The following SLC9A9 variants were observed in gnomAD, a reference collection of about 807,000 sequenced individuals.
SLC9A9 encodes the protein sodium/hydrogen exchanger 9.
In SLC9A9, 62 loss-of-function variants were observed where a neutral mutation model predicts 77.8. The observed-to-expected ratio is 0.80, with a 90% CI of 0.65 to 0.98. The LOEUF (loss-of-function observed/expected upper bound fraction) is 0.98. Among genes scored for constraint, SLC9A9 ranks in the 50% least tolerant of loss-of-function variants. The probability of loss-of-function intolerance (pLI) is 0.00; values close to 1 mark genes in which losing one functional copy is unlikely to be tolerated. For synonymous variants in SLC9A9, 320 were observed against 283.5 expected (o/e 1.13, Z -1.29); for missense variants, 775 against 774.9 (o/e 1.00, Z 0.00).
intron 12 of SLC9A9, among the ~76,000 whole-genome samples, chr3:143,460,409 T>C (rs2035169978): frequency 6.7e-6 from 1 of 150,230 alleles, no homozygotes; most frequent in South Asian, 2.1e-4. Context: ...AAGTTCCATC[T>C]ACTGCATTCA....
intron 13 of SLC9A9, among the ~76,000 whole-genome samples, chr3:143,374,967 C>T (rs1032271156): frequency 6.6e-6 from 1 of 152,168 alleles, no homozygotes; most frequent in Non-Finnish European, 1.5e-5. Context: ...AACCATCCTT[C>T]TACTCTCTAG....
At chr3:143,390,851 T>C (rs761698755) in intron 12 of SLC9A9, among the ~76,000 whole-genome samples, 1 of 152,196 alleles carries the variant, frequency 6.6e-6, no homozygotes, top group Non-Finnish European at 1.5e-5. Context: ...CCTCACTCAT[T>C]GCTAGCACAG....
chr3:143,310,586 G>A (rs2030981678), intron 14 of SLC9A9, among the ~76,000 whole-genome samples: 1 of 151,376 alleles, frequency 6.6e-6, no homozygotes, highest in Non-Finnish European at 1.5e-5. Context: ...TTTAGAAATG[G>A]AGACTTTCTG....
At chr3:143,604,717 A>G (rs773739689) in intron 6 of SLC9A9, among the ~76,000 whole-genome samples, 9 of 152,248 alleles carry the variant, frequency 5.9e-5, no homozygotes, top group Non-Finnish European at 1.2e-4. Context: ...AGTAAAAGCT[A>G]CTTTTTCCAC....
chr3:143,386,631 T>C (rs1331438835), intron 12 of SLC9A9, among the ~76,000 whole-genome samples: 1 of 152,216 alleles, frequency 6.6e-6, no homozygotes, highest in Non-Finnish European at 1.5e-5. Flanking sequence ...TCAGTACTTA[T>C]CAGTGGGGCC....
At chr3:143,511,891 C>G (rs2036121461) in intron 9 of SLC9A9, among the ~76,000 whole-genome samples, 1 of 152,128 alleles carries the variant, frequency 6.6e-6, no homozygotes, top group African/African-American at 2.4e-5. Context: ...TCATTCTACC[C>G]AAAGACATAT....
chr3:143,721,741 T>C (rs1030404064), intron 4 of SLC9A9, among the ~76,000 whole-genome samples: 2 of 152,098 alleles, frequency 1.3e-5, no homozygotes, highest in African/African-American at 2.4e-5. Context: ...AATGCCTTGG[T>C]TACAAGGCTC....
chr3:143,744,287 A>G (rs1935151926), intron 4 of SLC9A9, among the ~76,000 whole-genome samples: 1 of 152,092 alleles, frequency 6.6e-6, no homozygotes, highest in East Asian at 1.9e-4. Flanking sequence ...AACCGCTGAT[A>G]CCCCTGTGCT....
intron 12 of SLC9A9, among the ~76,000 whole-genome samples, chr3:143,459,156 C>T (rs1053886152): frequency 6.7e-6 from 1 of 150,366 alleles, no homozygotes; most frequent in African/African-American, 2.4e-5. Context: ...ATTGTGTATG[C>T]TCTTACTTCT....
chr3:143,625,579 T>C (rs533794333), intron 6 of SLC9A9, among the ~76,000 whole-genome samples: 22 of 152,324 alleles, frequency 1.4e-4, no homozygotes, highest in Admixed American at 1.2e-3. Context: ...AAGCTGAAAC[T>C]GGATCCCTTC....
chr3:143,834,199 C>A (rs1175506751), intron 1 of SLC9A9, among the ~76,000 whole-genome samples: 1 of 152,166 alleles, frequency 6.6e-6, no homozygotes, highest in Non-Finnish European at 1.5e-5. Context: ...GTATCCAAAT[C>A]TCTGGGAGCA....
intron 4 of SLC9A9, among the ~76,000 whole-genome samples, chr3:143,767,109 T>C (rs1364383532): frequency 6.6e-6 from 1 of 152,158 alleles, no homozygotes; most frequent in African/African-American, 2.4e-5. Flanking sequence ...ATAACACGTT[T>C]CACTCAGGAG....
chr3:143,706,253 G>C (rs1008790682), intron 4 of SLC9A9, among the ~76,000 whole-genome samples: 7 of 152,178 alleles, frequency 4.6e-5, no homozygotes, highest in Non-Finnish European at 7.3e-5. Flanking sequence ...ATCGCCATCT[G>C]CTACCCATTA....
At chr3:143,390,840 G>A (rs1177089299) in intron 12 of SLC9A9, among the ~76,000 whole-genome samples, 1 of 152,206 alleles carries the variant, frequency 6.6e-6, no homozygotes, top group Non-Finnish European at 1.5e-5. Flanking sequence ...CACCCACAGA[G>A]CCTCACTCAT....
At chr3:143,397,821 A>G (rs1222120019) in intron 12 of SLC9A9, among the ~76,000 whole-genome samples, 1 of 152,186 alleles carries the variant, frequency 6.6e-6, no homozygotes, top group Non-Finnish European at 1.5e-5. Context: ...CAAGGAGCAT[A>G]TTCTCCCCAT....
chr3:143,522,194 T>A (rs1429450737), intron 9 of SLC9A9, among the ~76,000 whole-genome samples: 1 of 152,184 alleles, frequency 6.6e-6, no homozygotes, highest in Admixed American at 6.5e-5. Context: ...TCTTTCTCCA[T>A]CTAAAACACA....
intron 9 of SLC9A9, among the ~76,000 whole-genome samples, chr3:143,519,467 G>A (rs2036259887): frequency 6.6e-6 from 1 of 152,122 alleles, no homozygotes; most frequent in Non-Finnish European, 1.5e-5. Flanking sequence ...GATAAGTGTG[G>A]GAATCAGGAA....
At chr3:143,695,331 C>T (rs1933600090) in intron 4 of SLC9A9, among the ~76,000 whole-genome samples, 1 of 152,072 alleles carries the variant, frequency 6.6e-6, no homozygotes, top group Admixed American at 6.6e-5. Flanking sequence ...GCTGTCCCTT[C>T]CCTAGTCCCC....
intron 12 of SLC9A9, among the ~76,000 whole-genome samples, chr3:143,437,197 CACAG>C (rs1238761266): frequency 6.6e-6 from 1 of 152,238 alleles, no homozygotes; most frequent in Non-Finnish European, 1.5e-5. Flanking sequence ...ATGAATGAAT[CACAG>C]ACTGCACTGG....
Sources: gnomAD v4.1 joint callset for allele counts (sites outside exome capture counted in the v4.1 genomes callset) on GRCh38, gnomAD v4.1.1 for gene constraint, MANE v1.5 for transcripts, NCBI Gene and HGNC (gene_info 2026-07-23, HGNC 2026-07-21) for gene names.